The following ASB3 variants were observed in gnomAD, a reference collection of about 807,000 sequenced individuals.
ASB3 encodes the protein ankyrin repeat and SOCS box containing 3.
A neutral mutation model predicts 54.5 loss-of-function variants in ASB3; 41 were observed. The ratio of observed to expected loss-of-function variants is 0.75; its 90% CI spans 0.59 to 0.98. The LOEUF is 0.98. ASB3 is among the 50% of genes least tolerant of loss of function. The pLI, the probability that ASB3 is intolerant of heterozygous loss-of-function variation, is 0.00. For synonymous variants in ASB3, 266 were observed against 221.2 expected (o/e 1.20, Z -1.80); for missense variants, 733 against 620.0 (o/e 1.18, Z -1.94).
At chr2:53,674,500 G>A (rs988300444) in intron 9 of ASB3, among the ~76,000 whole-genome samples, 14 of 152,066 alleles carry the variant, frequency 9.2e-5, no homozygotes, top group Non-Finnish European at 1.5e-4. Context: ...CAAAATAAAC[G>A]TCACAATTCT....
At chr2:53,781,214 C>A (rs1047391437) in intron 1 of ASB3, among the ~76,000 whole-genome samples, 1 of 151,964 alleles carries the variant, frequency 6.6e-6, no homozygotes, top group Non-Finnish European at 1.5e-5. Context: ...TCAAGACCAG[C>A]CTGGGCAACA....
chr2:53,772,059 T>G, intron 1 of ASB3: 1 of 643,414 alleles, frequency 1.6e-6, no homozygotes, highest in South Asian at 2.3e-5. Context: ...AATTTAGAAT[T>G]CTTCTCTGTA....
At chr2:53,763,667 A>G (rs1276626424) in intron 2 of ASB3, 2 of 169,610 alleles carry the variant, frequency 1.2e-5, no homozygotes, top group African/African-American at 4.8e-5. Flanking sequence ...GCCCAAGTTT[A>G]CTCAGCAGAT....
chr2:53,671,790 C>T (rs1483303562), intron 9 of ASB3, among the ~76,000 whole-genome samples: 2 of 124,370 alleles, frequency 1.6e-5, no homozygotes, highest in African/African-American at 5.8e-5. Flanking sequence ...CATATGATAG[C>T]AGTTTCATTT....
intron 7 of ASB3, among the ~76,000 whole-genome samples, chr2:53,710,037 TCC>T (rs1670002750): frequency 6.6e-6 from 1 of 152,188 alleles, no homozygotes; most frequent in Non-Finnish European, 1.5e-5. Flanking sequence ...TGGAAGTTGA[TCC>T]CCTGGCTCCT....
chr2:53,716,943 A>G (rs569997860), intron 5 of ASB3, among the ~76,000 whole-genome samples, 200 bp from the exon 6 acceptor site: 1 of 152,290 alleles, frequency 6.6e-6, no homozygotes, highest in South Asian at 2.1e-4. Flanking sequence ...CTAAACTGAC[A>G]GGGTAGCTCA....
intron 1 of ASB3, among the ~76,000 whole-genome samples, chr2:53,778,361 ATG>A (rs546995657): frequency 1.2e-3 from 177 of 152,258 alleles, no homozygotes; most frequent in Admixed American, 3.3e-3. Context: ...TATGAATACA[ATG>A]TGGAATAATT....
intron 2 of ASB3, among the ~76,000 whole-genome samples, chr2:53,757,454 G>A (rs972556039): frequency 3.9e-5 from 6 of 152,154 alleles, no homozygotes; most frequent in South Asian, 2.1e-4. Flanking sequence ...CTCAACAGTC[G>A]CCCGTGCATG....
intron 9 of ASB3, among the ~76,000 whole-genome samples, chr2:53,687,988 T>A (rs1668720186): frequency 6.6e-6 from 1 of 152,160 alleles, no homozygotes; most frequent in Admixed American, 6.5e-5. Flanking sequence ...TGGCTAATTT[T>A]CTTATTTTAT....
Position 53,716,509 on chromosome 2 carries a change from AT to A in ASB3, c.782+56del, listed in dbSNP as rs200772305. The A allele has an allele frequency of 2.5e-5, 39 of 1,573,910 alleles. No homozygotes were observed. In the East Asian group the frequency reaches 6.3e-4, roughly 25 times the overall value. On this transcript the variant is annotated intron_variant, in intron 6 of 9. Coordinates refer to ENST00000263634, the MANE Select transcript of ASB3 (RefSeq NM_016115.5). Reference sequence around the variant, plus strand: ...GAGGTGAAGGGTCTAGCCCAGATTTATTCTTTATTAGCTTTTGATTAAGAGA... The same window carrying A: ...GAGGTGAAGGGTCTAGCCCAGATTTATCTTTATTAGCTTTTGATTAAGAGA...
intron 2 of ASB3, among the ~76,000 whole-genome samples, chr2:53,755,199 C>T (rs1472717603): frequency 1.3e-5 from 2 of 152,216 alleles, no homozygotes; most frequent in Admixed American, 6.5e-5. Flanking sequence ...CCTGGGAATA[C>T]TTGGAGAATT....
intron 8 of ASB3, among the ~76,000 whole-genome samples, chr2:53,697,491 C>A (rs951619921): frequency 6.6e-6 from 1 of 152,126 alleles, no homozygotes; most frequent in Non-Finnish European, 1.5e-5. Flanking sequence ...GATCCAAGAA[C>A]CCTCTCTTGG....
intron 3 of ASB3, among the ~76,000 whole-genome samples, chr2:53,741,172 A>G (rs1359552740): frequency 1.3e-5 from 2 of 152,216 alleles, no homozygotes; most frequent in Non-Finnish European, 2.9e-5. Flanking sequence ...AGTCCTATTT[A>G]TGTAGGAGCA....
intron 1 of ASB3, among the ~76,000 whole-genome samples, chr2:53,782,583 T>C (rs1319046207): frequency 6.6e-6 from 1 of 152,036 alleles, no homozygotes; most frequent in Non-Finnish European, 1.5e-5. Context: ...TAAAACCACA[T>C]CTATTTTGTT....
intron 9 of ASB3, among the ~76,000 whole-genome samples, chr2:53,692,708 G>C (rs1302489767): frequency 2.0e-5 from 3 of 151,992 alleles, no homozygotes; most frequent in Non-Finnish European, 2.9e-5. Context: ...TTTCCCATTT[G>C]GCATATGCTT....
chr2:53,769,192 C>G (rs1395302191), intron 1 of ASB3, among the ~76,000 whole-genome samples: 5 of 152,330 alleles, frequency 3.3e-5, no homozygotes, highest in African/African-American at 1.2e-4. Context: ...CATTAAAGAA[C>G]TAAGCTAAAT....
intron 3 of ASB3, among the ~76,000 whole-genome samples, chr2:53,731,305 G>A (rs1671297874): frequency 1.3e-5 from 2 of 152,156 alleles, no homozygotes; most frequent in Admixed American, 1.3e-4. Flanking sequence ...GAGAGGCTGA[G>A]GCAGGAGAAT....
chr2:53,780,468 TA>T (rs1674583028), intron 1 of ASB3, among the ~76,000 whole-genome samples: 1 of 152,020 alleles, frequency 6.6e-6, no homozygotes. Flanking sequence ...TTATTTAATA[TA>T]AAAGATGTGA....
At chr2:53,694,744 AG>A in intron 8 of ASB3, among the ~76,000 whole-genome samples, 1 of 152,290 alleles carries the variant, frequency 6.6e-6, no homozygotes, top group South Asian at 2.1e-4. Flanking sequence ...ACTTATAAAC[AG>A]GTTGCCTGAA....
Sources: gnomAD v4.1 joint callset for allele counts (sites outside exome capture counted in the v4.1 genomes callset) on GRCh38, gnomAD v4.1.1 for gene constraint, MANE v1.5 for transcripts, NCBI Gene and HGNC (gene_info 2026-07-23, HGNC 2026-07-21) for gene names.